The following STYX variants were observed in gnomAD, a reference collection of about 807,000 sequenced individuals.
The protein encoded by STYX is serine/threonine/tyrosine interacting protein.
Under a neutral mutation model 42.7 loss-of-function variants are expected in STYX, and 20 were observed. The ratio of observed to expected loss-of-function variants is 0.47; its 90% CI spans 0.33 to 0.68. The LOEUF (loss-of-function observed/expected upper bound fraction) is 0.68, where lower values mean the gene tolerates loss of function less well. Ranked by LOEUF, STYX falls within the 30% of genes least tolerant of loss-of-function variation. STYX has a pLI of 0.02. For missense variants in STYX, 226 were observed against 268.5 expected, an observed-to-expected ratio of 0.84 and a Z score of 1.11; for synonymous variants, 78 against 81.9, an observed-to-expected ratio of 0.95 and a Z score of 0.26.
chr14:52,753,556 A>G (rs1881718334), intron 4 of STYX, among the ~76,000 whole-genome samples: 1 of 152,170 alleles, frequency 6.6e-6, no homozygotes, highest in Admixed American at 6.5e-5. Context: ...ATGAATAACA[A>G]AATCCTCAGA....
At chr14:52,764,673 T>TTTTTTTTTTTTTTG (rs1882230665) in intron 9 of STYX, among the ~76,000 whole-genome samples, 1 of 145,796 alleles carries the variant, frequency 6.9e-6, no homozygotes, top group Non-Finnish European at 1.5e-5. Context: ...TTCCTTTTTT[T>TTTTTTTTTTTTTTG]TTTTTTTTTT....
intron 2 of STYX, among the ~76,000 whole-genome samples, chr14:52,745,123 G>GTTTTTTTTTTT (rs34700601): frequency 1.5e-5 from 2 of 132,310 alleles, no homozygotes. Context: ...TTTTTTTTTT[G>GTTTTTTTTTTT]TTTTTTTTTT....
intron 1 of STYX, among the ~76,000 whole-genome samples, chr14:52,743,462 T>G (rs1881275315): frequency 6.6e-6 from 1 of 152,040 alleles, no homozygotes; most frequent in South Asian, 2.1e-4. Context: ...GTGCCTGTAG[T>G]CCCAGCTACT....
intron 4 of STYX, among the ~76,000 whole-genome samples, chr14:52,751,110 G>A (rs1046784369): frequency 6.6e-6 from 1 of 152,040 alleles, no homozygotes; most frequent in African/African-American, 2.4e-5. Context: ...GATAGGTTTA[G>A]GGAAACAGCA....
At chr14:52,758,418 C>T (rs1047740994) in intron 8 of STYX, among the ~76,000 whole-genome samples, 2 of 152,194 alleles carry the variant, frequency 1.3e-5, no homozygotes, top group Non-Finnish European at 2.9e-5. Context: ...GGCCAGTGTA[C>T]AGTATTTCCT....
intron 1 of STYX, among the ~76,000 whole-genome samples, chr14:52,738,647 G>A (rs573101585): frequency 6.6e-6 from 1 of 152,266 alleles, no homozygotes; most frequent in East Asian, 1.9e-4. Flanking sequence ...ATGACACCTT[G>A]ATATATTGAT....
chr14:52,757,656 T>C, intron 6 of STYX, 87 bp from the exon 7 acceptor site: 1 of 1,186,804 alleles, frequency 8.4e-7, no homozygotes, highest in Non-Finnish European at 1.2e-6. Context: ...TTATAGTATA[T>C]AAGGAGTTAC....
Position 52,737,891 on chromosome 14 carries a change from T to C in STYX, c.58-6961T>C, listed in dbSNP as rs555126136. 1.1e-4 allele frequency among the ~76,000 whole-genome samples: 17 copies of C among 152,288 alleles called. 1 individual carries two copies. In the South Asian group the frequency reaches 3.1e-3, roughly 28 times the overall value. ...CCCGGGTTCACGCCATTCTCCTGCC[T>C]CAGCCTCCCGAGTAGCTGGGACTAC... On this transcript the variant is annotated intron_variant, in intron 1 of 10. Coordinates refer to ENST00000354586, the MANE Select transcript of STYX (RefSeq NM_145251.4).
chr14:52,751,990 C>A (rs1881631600), intron 4 of STYX, among the ~76,000 whole-genome samples: 1 of 152,050 alleles, frequency 6.6e-6, no homozygotes, highest in Non-Finnish European at 1.5e-5. Flanking sequence ...TGGCAAAACC[C>A]CATCTCTACT....
At chr14:52,736,451 A>C (rs974449325) in intron 1 of STYX, among the ~76,000 whole-genome samples, 1 of 152,164 alleles carries the variant, frequency 6.6e-6, no homozygotes, top group Non-Finnish European at 1.5e-5. Context: ...TTTTTAAGCA[A>C]ATTGGTTGTA....
intron 9 of STYX, among the ~76,000 whole-genome samples, chr14:52,761,741 G>C (rs374151285): frequency 6.8e-6 from 1 of 147,174 alleles, no homozygotes; most frequent in Non-Finnish European, 1.5e-5. Context: ...GGTAATTTTT[G>C]TATTTTTAAT....
chr14:52,767,736 T>C (rs910647196), intron 9 of STYX, among the ~76,000 whole-genome samples: 3 of 152,182 alleles, frequency 2.0e-5, no homozygotes, highest in African/African-American at 7.2e-5. Context: ...TTTGTTTAAA[T>C]TGATAAACAC....
chr14:52,749,504 TGTTA>T (rs1445816587), intron 3 of STYX, among the ~76,000 whole-genome samples: 2 of 152,222 alleles, frequency 1.3e-5, no homozygotes, highest in Admixed American at 1.3e-4. Context: ...CATCGTGACT[TGTTA>T]GTTCATTTAT....
intron 3 of STYX, among the ~76,000 whole-genome samples, chr14:52,748,369 C>T (rs560530736): frequency 4.6e-5 from 7 of 152,250 alleles, no homozygotes; most frequent in Non-Finnish European, 1.0e-4. Flanking sequence ...GCCAGGACTA[C>T]GGGCACACAC....
intron 4 of STYX, 73 bp downstream of exon 4, chr14:52,750,853 C>T: frequency 2.0e-6 from 2 of 979,580 alleles, no homozygotes; most frequent in South Asian, 1.6e-5. Context: ...TCAGTTGTTT[C>T]TGTACATATC....
At chr14:52,741,181 T>C (rs892723244) in intron 1 of STYX, among the ~76,000 whole-genome samples, 8 of 151,154 alleles carry the variant, frequency 5.3e-5, no homozygotes, top group Non-Finnish European at 7.4e-5. Context: ...TAAATATTCA[T>C]GTATAAGTCT....
intron 1 of STYX, among the ~76,000 whole-genome samples, chr14:52,739,049 G>A (rs7159016): frequency 0.036 from 5,241 of 143,924 alleles, 313 homozygotes; most frequent in African/African-American, 0.13. Flanking sequence ...CCTTTTCTCC[G>A]TTTAGTTTAT....
chr14:52,732,498 C>CT (rs1880774562), intron 1 of STYX, among the ~76,000 whole-genome samples: 1 of 151,834 alleles, frequency 6.6e-6, no homozygotes, highest in Admixed American at 6.6e-5. Context: ...TGGTCTCAAA[C>CT]TCCTGACCTT....
In STYX at chr14:52,774,646, C is replaced by G. The variant is rs1372826552; in HGVS notation, c.*3540C>G. On this transcript the variant is annotated 3_prime_UTR_variant, in exon 11 of 11. Coordinates refer to ENST00000354586, the MANE Select transcript of STYX (RefSeq NM_145251.4). ...TGTGGCAGCTAAAACAAAAATCACT[C>G]AAAATATTCAGGTTTACATGTTAGC... The G allele has an allele frequency of 6.8e-6, 1 of 146,934 alleles. No homozygotes were observed. The highest frequency in any genetic ancestry group is 1.5e-5 in the Non-Finnish European group (1 of 67,276). 9.1% of individuals were successfully genotyped at this position (146,934 alleles called of 1,614,324 possible). A position where few individuals can be genotyped will look rare whatever the true frequency, so the allele number is the denominator to read the frequency against.
Sources: allele counts gnomAD v4.1 joint callset (sites outside exome capture counted in the v4.1 genomes callset), GRCh38; gene constraint gnomAD v4.1.1; transcripts MANE v1.5; gene names NCBI Gene and HGNC (gene_info 2026-07-23, HGNC 2026-07-21).